The following GABRA4 variants were observed in gnomAD, a reference collection of about 807,000 sequenced individuals.
The protein encoded by GABRA4 is gamma-aminobutyric acid type A receptor subunit alpha4, also known as gamma-aminobutyric acid receptor subunit alpha-4.
GABRA4 carries 12 observed loss-of-function variants against 49.7 expected under a neutral mutation model. The observed-to-expected ratio is 0.24, with a 90% confidence interval of 0.15 to 0.39. The LOEUF (loss-of-function observed/expected upper bound fraction) is 0.39, where lower values mean the gene tolerates loss of function less well. GABRA4 is among the 10% of genes least tolerant of loss of function. GABRA4 has a pLI of 1.00. For synonymous variants in GABRA4, 288 were observed against 240.2 expected, an observed-to-expected ratio of 1.20 and a Z score of -1.84; for missense variants, 506 against 686.0, an observed-to-expected ratio of 0.74 and a Z score of 2.93.
chr4:46,982,368 G>C (rs978343575), intron 2 of GABRA4, among the ~76,000 whole-genome samples: 3 of 151,918 alleles, frequency 2.0e-5, no homozygotes, highest in African/African-American at 7.2e-5. Context: ...CAGAAGTGTA[G>C]ATTAGGACAC....
chr4:46,981,529 T>C (rs189614255), intron 2 of GABRA4, among the ~76,000 whole-genome samples: 61 of 152,198 alleles, frequency 4.0e-4, no homozygotes, highest in African/African-American at 1.4e-3. Context: ...CATTTGATTG[T>C]AAAGGGATTT....
At chr4:46,962,907 G>C (rs918170362) in intron 8 of GABRA4, among the ~76,000 whole-genome samples, 1 of 151,704 alleles carries the variant, frequency 6.6e-6, no homozygotes, top group Admixed American at 6.6e-5. Flanking sequence ...TTATTCATAC[G>C]CAGAAGAATG....
intron 7 of GABRA4, among the ~76,000 whole-genome samples, chr4:46,969,380 G>A (rs1280566220): frequency 6.6e-6 from 1 of 151,508 alleles, no homozygotes; most frequent in African/African-American, 2.4e-5. Context: ...CAAGAAAAAA[G>A]TTAAGAGACT....
intron 8 of GABRA4, among the ~76,000 whole-genome samples, chr4:46,958,782 T>A (rs1722456473): frequency 2.0e-5 from 3 of 151,878 alleles, no homozygotes; most frequent in African/African-American, 7.2e-5. Flanking sequence ...ATGATCACCA[T>A]AAGCCTGTGC....
chr4:46,968,133 A>G (rs1233711198), intron 7 of GABRA4, among the ~76,000 whole-genome samples: 1 of 151,544 alleles, frequency 6.6e-6, no homozygotes, highest in Non-Finnish European at 1.5e-5. Flanking sequence ...GGAAAGAAAA[A>G]AATTTGCCCA....
Position 46,974,288 on chromosome 4 carries a change from A to G in GABRA4, c.665T>C (p.Val222Ala). ...VEVPKESSSL[V>A]QYDLIGQTVS... ...GGTTTGCCCAATCAAATCATATTGAACTAAGCTGGAAGACTCCTTCGGAAC... is the reference window on the plus strand; with the variant it reads ...GGTTTGCCCAATCAAATCATATTGAGCTAAGCTGGAAGACTCCTTCGGAAC... The change falls in exon 6 of 9, where the codon GTT becomes GCT. Residue 222 changes from valine (V) to alanine (A), a missense_variant. By Grantham distance (64) the Val-to-Ala change is moderately conservative. Transcript: ENST00000264318. 1 of 1,611,870 alleles carries G rather than the reference A, an allele frequency of 6.2e-7. No individual in the cohort carries two copies. The highest frequency in any genetic ancestry group is 8.5e-7 in the Non-Finnish European group (1 of 1,178,570).
intron 8 of GABRA4, among the ~76,000 whole-genome samples, chr4:46,962,906 C>A (rs180919740): frequency 4.0e-5 from 6 of 151,678 alleles, no homozygotes; most frequent in African/African-American, 7.3e-5. Context: ...ATTATTCATA[C>A]GCAGAAGAAT....
intron 2 of GABRA4, among the ~76,000 whole-genome samples, chr4:46,982,468 C>A (rs1202103916): frequency 1.3e-5 from 2 of 151,874 alleles, no homozygotes; most frequent in Non-Finnish European, 2.9e-5. Context: ...TTAGAAGAAA[C>A]CAATTTTGCC....
At chr4:46,971,336 A>G (rs914560181) in intron 6 of GABRA4, 101 bp from the exon 7 acceptor site, 2 of 1,085,862 alleles carry the variant, frequency 1.8e-6, no homozygotes, top group Admixed American at 2.2e-5. Context: ...TTCTAAGGAA[A>G]GAAATTCTCT....
intron 2 of GABRA4, among the ~76,000 whole-genome samples, chr4:46,987,760 TG>T (rs1385599965): frequency 3.9e-5 from 6 of 152,236 alleles, no homozygotes; most frequent in Admixed American, 3.9e-4. Context: ...AAAGCTTCAT[TG>T]GTCTCCCTGC....
chr4:46,962,906 C>T (rs180919740), intron 8 of GABRA4, among the ~76,000 whole-genome samples: 107 of 151,794 alleles, frequency 7.0e-4, no homozygotes, highest in African/African-American at 2.1e-3. Flanking sequence ...ATTATTCATA[C>T]GCAGAAGAAT....
intron 8 of GABRA4, among the ~76,000 whole-genome samples, chr4:46,962,097 A>G (rs1350242446): frequency 2.6e-5 from 4 of 151,832 alleles, no homozygotes; most frequent in African/African-American, 9.7e-5. Context: ...ATTTACTACA[A>G]CTATCTAACT....
intron 8 of GABRA4, among the ~76,000 whole-genome samples, chr4:46,951,759 T>C (rs1722178545): frequency 6.7e-6 from 1 of 149,574 alleles, no homozygotes; most frequent in South Asian, 2.1e-4. Context: ...TGTGTATATG[T>C]ATGTGTATAT....
chr4:46,973,754 G>C (rs1723037874), intron 6 of GABRA4, among the ~76,000 whole-genome samples: 1 of 151,628 alleles, frequency 6.6e-6, no homozygotes, highest in South Asian at 2.1e-4. Context: ...CTACTCATGT[G>C]ATAACCTTAA....
intron 8 of GABRA4, among the ~76,000 whole-genome samples, chr4:46,954,428 G>T (rs1008862898): frequency 6.6e-6 from 1 of 151,880 alleles, no homozygotes; most frequent in Admixed American, 6.6e-5. Context: ...ATTGTGGCAG[G>T]CGCCTGTAAT....
At chr4:46,938,222 A>G (rs1404549165) in intron 8 of GABRA4, among the ~76,000 whole-genome samples, 1 of 152,108 alleles carries the variant, frequency 6.6e-6, no homozygotes, top group Non-Finnish European at 1.5e-5. Context: ...TTCAGCTTCA[A>G]TATATTCAAA....
At chr4:46,931,283 G>A (rs1054491166) in intron 8 of GABRA4, among the ~76,000 whole-genome samples, 30 of 152,088 alleles carry the variant, frequency 2.0e-4, no homozygotes, top group African/African-American at 7.2e-4. Flanking sequence ...GGTAGAGTAC[G>A]TAGAAGTTCC....
In GABRA4 at chr4:46,934,645, A is replaced by T. The variant is rs994394980; in HGVS notation, c.1135-5890T>A. 2.0e-5 allele frequency among the ~76,000 whole-genome samples: 3 copies of T among 152,230 alleles called. No homozygotes were observed. The East Asian group carries it at 5.8e-4, about 29-fold the overall frequency. ...TTGTTTTCCATTTGGGATTACCAGA[A>T]AAAGAAATCTTAAAGAATCCATTCA... On this transcript the variant is annotated intron_variant, in intron 8 of 8. Transcript: ENST00000264318.
chr4:46,939,464 A>G (rs1043216269), intron 8 of GABRA4, among the ~76,000 whole-genome samples: 6 of 151,972 alleles, frequency 3.9e-5, no homozygotes, highest in African/African-American at 1.2e-4. Flanking sequence ...CATTTTCCCA[A>G]TGAGGGCACT....
Sources: allele counts gnomAD v4.1 joint callset (sites outside exome capture counted in the v4.1 genomes callset), GRCh38; gene constraint gnomAD v4.1.1; transcripts MANE v1.5; gene names NCBI Gene and HGNC (gene_info 2026-07-23, HGNC 2026-07-21).